The following KCND2 variants were observed in gnomAD, a reference collection of about 807,000 sequenced individuals.
KCND2 encodes A-type voltage-gated potassium channel KCND2.
Under a neutral mutation model 54.4 loss-of-function variants are expected in KCND2, and 16 were observed. The observed-to-expected ratio is 0.29, with a 90% confidence interval of 0.20 to 0.45. The LOEUF is 0.45. Ranked by LOEUF, KCND2 falls within the 20% of genes least tolerant of loss-of-function variation. The probability of loss-of-function intolerance (pLI) is 1.00; values close to 1 mark genes in which losing one functional copy is unlikely to be tolerated. For missense variants in KCND2, 486 were observed against 824.2 expected (o/e 0.59, Z 5.02); for synonymous variants, 317 against 310.7 (o/e 1.02, Z -0.21).
At chr7:120,300,684 A>G (rs1364164684) in intron 1 of KCND2, among the ~76,000 whole-genome samples, 1 of 152,094 alleles carries the variant, frequency 6.6e-6, no homozygotes, top group Non-Finnish European at 1.5e-5. Flanking sequence ...CTGTAATTAG[A>G]GTGAAAGTTT....
chr7:120,614,344 A>G (rs542882121), intron 1 of KCND2, among the ~76,000 whole-genome samples: 10 of 152,348 alleles, frequency 6.6e-5, no homozygotes, highest in Non-Finnish European at 1.5e-4. Flanking sequence ...GATTAAACTT[A>G]AAGCTCAATG....
chr7:120,413,618 A>G (rs902060166), intron 1 of KCND2, among the ~76,000 whole-genome samples: 25 of 152,172 alleles, frequency 1.6e-4, no homozygotes, highest in African/African-American at 5.5e-4. Flanking sequence ...ATAGCTTAGT[A>G]ACAAATTAAT....
intron 1 of KCND2, among the ~76,000 whole-genome samples, chr7:120,500,887 A>G (rs771731177): frequency 2.0e-5 from 3 of 151,674 alleles, no homozygotes; most frequent in Non-Finnish European, 4.4e-5. Flanking sequence ...GCCAATGTCT[A>G]TGAGTAAATA....
At chr7:120,377,243 T>C (rs1800845996) in intron 1 of KCND2, among the ~76,000 whole-genome samples, 1 of 151,942 alleles carries the variant, frequency 6.6e-6, no homozygotes, top group Non-Finnish European at 1.5e-5. Context: ...AGGATATAGA[T>C]TTATTTTTGA....
At chr7:120,560,160 A>C (rs1792215811) in intron 1 of KCND2, among the ~76,000 whole-genome samples, 1 of 152,220 alleles carries the variant, frequency 6.6e-6, no homozygotes, top group Non-Finnish European at 1.5e-5. Context: ...TGACTAACTC[A>C]TAAGTAATTC....
chr7:120,339,050 A>ATTTTTTTTTTTT (rs778288080), intron 1 of KCND2, among the ~76,000 whole-genome samples: 1 of 138,906 alleles, frequency 7.2e-6, no homozygotes. Context: ...CTGGCTAATT[A>ATTTTTTTTTTTT]TTATTTTTTT....
At chr7:120,541,501 G>A (rs1791978923) in intron 1 of KCND2, among the ~76,000 whole-genome samples, 1 of 152,110 alleles carries the variant, frequency 6.6e-6, no homozygotes, top group African/African-American at 2.4e-5. Flanking sequence ...ACAGGACCTT[G>A]TGAAAGAAAG....
chr7:120,707,050 T>C (rs1792477772), intron 1 of KCND2, among the ~76,000 whole-genome samples: 1 of 152,186 alleles, frequency 6.6e-6, no homozygotes, highest in Admixed American at 6.6e-5. Context: ...TGATCAATTC[T>C]ATTTTATGAT....
intron 1 of KCND2, among the ~76,000 whole-genome samples, chr7:120,412,316 T>G (rs1382257664): frequency 6.6e-6 from 1 of 152,052 alleles, no homozygotes; most frequent in Non-Finnish European, 1.5e-5. Context: ...ATTGGGTTAT[T>G]CTCAATCTTA....
chr7:120,339,503 CTGTGTGTGTG>C (rs10525061), intron 1 of KCND2, among the ~76,000 whole-genome samples: 1,870 of 149,798 alleles, frequency 0.012, 42 homozygotes, highest in African/African-American at 0.043. Context: ...CTTTAGAAGG[CTGTGTGTGTG>C]TGTGTGTGTG....
At position 120,274,637 on chromosome 7, in the gene KCND2, C is replaced by A; in HGVS notation, c.5C>A (p.Ala2Glu). ...TTCCTTCCGCTTCAAGTAATCATGG[C>A]GGCGGGGGTGGCAGCGTGGCTGCCT... MAAGVAAWLPFA... is the reference protein window; with the variant it reads MEAGVAAWLPFA... The change falls in exon 1 of 6, where the codon GCG (alanine) becomes GAG (glutamate). Residue 2 changes from alanine (A) to glutamate (E), a missense_variant. Coordinates refer to ENST00000331113, the MANE Select transcript of KCND2 (RefSeq NM_012281.3). 1 of 1,614,010 alleles carries A rather than the reference C, an allele frequency of 6.2e-7. No individual in the cohort carries two copies. The highest frequency in any genetic ancestry group is 8.5e-7 in the Non-Finnish European group (1 of 1,180,008).
intron 1 of KCND2, among the ~76,000 whole-genome samples, chr7:120,284,330 G>A (rs144442136): frequency 5.9e-5 from 9 of 151,950 alleles, no homozygotes; most frequent in African/African-American, 2.2e-4. Context: ...CCAACCATTC[G>A]CTGGTTTCCT....
At chr7:120,326,190 A>T (rs1170408933) in intron 1 of KCND2, among the ~76,000 whole-genome samples, 1 of 152,120 alleles carries the variant, frequency 6.6e-6, no homozygotes, top group Non-Finnish European at 1.5e-5. Flanking sequence ...GGGAGGACTA[A>T]TGACGAATGT....
chr7:120,330,581 C>CACAAAA (rs35222928), intron 1 of KCND2, among the ~76,000 whole-genome samples: 1 of 48,382 alleles, frequency 2.1e-5, no homozygotes, highest in Admixed American at 3.7e-4. Flanking sequence ...AACTCTGTCT[C>CACAAAA]AAAAAAAAAA....
intron 1 of KCND2, among the ~76,000 whole-genome samples, chr7:120,417,446 G>A (rs185799853): frequency 7.5e-4 from 114 of 151,962 alleles, no homozygotes; most frequent in Middle Eastern, 3.4e-3. Context: ...GAGACCTTAC[G>A]GCTGCTCACT....
At chr7:120,412,646 G>A (rs1283211421) in intron 1 of KCND2, among the ~76,000 whole-genome samples, 2 of 151,888 alleles carry the variant, frequency 1.3e-5, no homozygotes, top group South Asian at 2.1e-4. Flanking sequence ...CACCCTGTGC[G>A]GTCATCAAGA....
At chr7:120,341,260 A>G (rs946585909) in intron 1 of KCND2, among the ~76,000 whole-genome samples, 1 of 152,180 alleles carries the variant, frequency 6.6e-6, no homozygotes, top group African/African-American at 2.4e-5. Flanking sequence ...GATAGTGGAG[A>G]GTACATGGAC....
At chr7:120,525,441 T>C (rs983930987) in intron 1 of KCND2, among the ~76,000 whole-genome samples, 9 of 152,182 alleles carry the variant, frequency 5.9e-5, no homozygotes, top group Non-Finnish European at 1.3e-4. Flanking sequence ...CCTACTTGTA[T>C]TCAGAATGCT....
chr7:120,327,853 A>G (rs555646190), intron 1 of KCND2, among the ~76,000 whole-genome samples: 7 of 152,088 alleles, frequency 4.6e-5, no homozygotes, highest in African/African-American at 1.4e-4. Context: ...ACTGAGTTAC[A>G]TGTAAAACTT....
Sources: allele counts gnomAD v4.1 joint callset (sites outside exome capture counted in the v4.1 genomes callset), GRCh38; gene constraint gnomAD v4.1.1; transcripts MANE v1.5; gene names NCBI Gene and HGNC (gene_info 2026-07-23, HGNC 2026-07-21).